Variants in ALDH1A2 observed in about 807,000 individuals in gnomAD.
The protein encoded by ALDH1A2 is retinal dehydrogenase 2.
In ALDH1A2, 27 loss-of-function variants were observed where a neutral mutation model predicts 60.3. The observed-to-expected ratio is 0.45, with a 90% CI of 0.33 to 0.62. ALDH1A2 has a LOEUF of 0.62. Ranked by LOEUF, ALDH1A2 falls within the 20% of genes least tolerant of loss-of-function variation. ALDH1A2 has a pLI of 0.02. For missense variants in ALDH1A2, 581 were observed against 643.8 expected, an observed-to-expected ratio of 0.90 and a Z score of 1.06; for synonymous variants, 289 against 232.4, an observed-to-expected ratio of 1.24 and a Z score of -2.21.
chr15:58,037,754 A>T (rs1167169359), intron 1 of ALDH1A2, among the ~76,000 whole-genome samples: 1 of 151,652 alleles, frequency 6.6e-6, no homozygotes, highest in Non-Finnish European at 1.5e-5. Flanking sequence ...TCATCCCTAT[A>T]TGTGTACTTA....
chr15:57,957,467 T>A (rs961535225), intron 12 of ALDH1A2, among the ~76,000 whole-genome samples: 1 of 152,170 alleles, frequency 6.6e-6, no homozygotes, highest in Non-Finnish European at 1.5e-5. Flanking sequence ...TCTTAAGCAA[T>A]TTCACCATCT....
intron 12 of ALDH1A2, among the ~76,000 whole-genome samples, chr15:57,959,192 A>C (rs2140446496): frequency 6.6e-6 from 1 of 152,336 alleles, no homozygotes; most frequent in African/African-American, 2.4e-5. Context: ...ATGATCTGTA[A>C]CAAAACAATC....
chr15:58,020,593 T>C (rs1304944421), intron 1 of ALDH1A2, among the ~76,000 whole-genome samples: 1 of 152,224 alleles, frequency 6.6e-6, no homozygotes, highest in African/African-American at 2.4e-5. Context: ...TTATTAGTAT[T>C]ACTGAAGCTA....
chr15:58,037,190 G>T (rs886515210), intron 1 of ALDH1A2, among the ~76,000 whole-genome samples: 1 of 151,588 alleles, frequency 6.6e-6, no homozygotes, highest in African/African-American at 2.4e-5. Flanking sequence ...CACAAAGAAT[G>T]AGAGTAAATA....
intron 1 of ALDH1A2, among the ~76,000 whole-genome samples, chr15:58,044,423 G>A (rs1288026260): frequency 1.3e-5 from 2 of 152,018 alleles, no homozygotes; most frequent in East Asian, 3.9e-4. Flanking sequence ...TTCTATTCCT[G>A]TATCATGATG....
At chr15:58,035,375 T>G (rs1896352058) in intron 1 of ALDH1A2, among the ~76,000 whole-genome samples, 1 of 151,576 alleles carries the variant, frequency 6.6e-6, no homozygotes, top group Non-Finnish European at 1.5e-5. Flanking sequence ...TTAGCAATTT[T>G]ATTAATTTTT....
At chr15:58,017,188 T>C (rs1177013871) in intron 1 of ALDH1A2, among the ~76,000 whole-genome samples, 2 of 152,148 alleles carry the variant, frequency 1.3e-5, no homozygotes, top group African/African-American at 4.8e-5. Flanking sequence ...AATTATTTAA[T>C]AGGAAGGACT....
At chr15:58,056,598 C>G (rs1022858331) in intron 1 of ALDH1A2, among the ~76,000 whole-genome samples, 12 of 151,586 alleles carry the variant, frequency 7.9e-5, no homozygotes, top group Admixed American at 7.9e-4. Context: ...GACAGTTACA[C>G]AAGAAAAAGA....
Position 57,964,002 on chromosome 15 carries a change from G to C in ALDH1A2, c.969C>G (p.Gly323=), listed in dbSNP as rs145953941. 7.4e-6 allele frequency: 12 copies of C among 1,614,068 alleles called. No individual in the cohort carries two copies. In the Middle Eastern group the frequency reaches 4.9e-4, roughly 66 times the overall value. The part of the protein sequence containing the change: ...FFNQGQCCTA[G]SRIFVEESIY... Reference sequence around the variant, plus strand: ...TGGACTCCTCCACGAAGATGCGAGAGCCTGCAGTGCAGCACTGACCTTGAT... The same window carrying C: ...TGGACTCCTCCACGAAGATGCGAGACCCTGCAGTGCAGCACTGACCTTGAT... Residue 323 remains glycine, a synonymous_variant, in exon 9 of 13, where the codon GGC becomes GGG. Coordinates refer to ENST00000249750, the MANE Select transcript of ALDH1A2 (RefSeq NM_003888.4).
At chr15:57,998,213 A>G (rs1895132409) in intron 4 of ALDH1A2, among the ~76,000 whole-genome samples, 1 of 151,990 alleles carries the variant, frequency 6.6e-6, no homozygotes, top group African/African-American at 2.4e-5. Context: ...TTCTCAGGCA[A>G]GAGAAAGAAA....
intron 1 of ALDH1A2, among the ~76,000 whole-genome samples, chr15:58,043,988 C>T (rs1896579234): frequency 1.3e-5 from 2 of 151,934 alleles, no homozygotes; most frequent in Non-Finnish European, 2.9e-5. Flanking sequence ...TGACCAAGGC[C>T]ACATACCCCG....
chr15:58,018,135 G>A (rs1895834485), intron 1 of ALDH1A2, among the ~76,000 whole-genome samples: 1 of 152,074 alleles, frequency 6.6e-6, no homozygotes, highest in African/African-American at 2.4e-5. Flanking sequence ...TACAAGATGA[G>A]CCTGGAACAT....
intron 5 of ALDH1A2, among the ~76,000 whole-genome samples, chr15:57,993,362 G>C (rs1257422855): frequency 6.6e-6 from 1 of 151,928 alleles, no homozygotes; most frequent in Non-Finnish European, 1.5e-5. Context: ...TTTTGTCACT[G>C]TTTTTATGTT....
chr15:57,963,230 A>G (rs1893785466), intron 9 of ALDH1A2, among the ~76,000 whole-genome samples: 1 of 152,150 alleles, frequency 6.6e-6, no homozygotes, highest in African/African-American at 2.4e-5. Flanking sequence ...GGGATGTCCT[A>G]AAGTTCAGTG....
At chr15:58,054,321 A>T (rs1447671708) in intron 1 of ALDH1A2, among the ~76,000 whole-genome samples, 7 of 152,174 alleles carry the variant, frequency 4.6e-5, no homozygotes, top group Non-Finnish European at 1.5e-5. Context: ...AGAAATCTGG[A>T]GATTGCAAGA....
intron 7 of ALDH1A2, among the ~76,000 whole-genome samples, chr15:57,984,576 G>T (rs1318324902): frequency 4.6e-5 from 7 of 152,150 alleles, no homozygotes; most frequent in Non-Finnish European, 7.4e-5. Flanking sequence ...TCTGTTTATA[G>T]ATTTGCCTAT....
At chr15:58,047,998 A>T (rs1293058874) in intron 1 of ALDH1A2, among the ~76,000 whole-genome samples, 1 of 152,064 alleles carries the variant, frequency 6.6e-6, no homozygotes, top group African/African-American at 2.4e-5. Flanking sequence ...AGAAGGACTA[A>T]TTTATCAATT....
At chr15:57,962,286 C>A in intron 9 of ALDH1A2, 110 bp from the exon 10 acceptor site, 1 of 1,344,720 alleles carries the variant, frequency 7.4e-7, no homozygotes, top group Non-Finnish European at 1.0e-6. Flanking sequence ...TTTAACTACA[C>A]CCAGTCAGAT....
chr15:58,045,495 A>C (rs183791150), intron 1 of ALDH1A2, among the ~76,000 whole-genome samples: 210 of 152,246 alleles, frequency 1.4e-3, no homozygotes, highest in African/African-American at 4.8e-3. Context: ...GAACCAACCC[A>C]AATGTCCATC....
Sources: allele counts gnomAD v4.1 joint callset (sites outside exome capture counted in the v4.1 genomes callset), GRCh38; gene constraint gnomAD v4.1.1; transcripts MANE v1.5; gene names NCBI Gene and HGNC (gene_info 2026-07-23, HGNC 2026-07-21).